Variants in RYR2 observed in about 807,000 individuals in gnomAD.
RYR2 encodes the protein cardiac muscle ryanodine receptor-calcium release channel.
RYR2 carries 227 observed loss-of-function variants against 601.1 expected under a neutral mutation model. The ratio of observed to expected loss-of-function variants is 0.38; its 90% CI spans 0.34 to 0.42. The LOEUF (loss-of-function observed/expected upper bound fraction) is 0.42. RYR2 is among the 10% of genes least tolerant of loss of function. The probability of loss-of-function intolerance (pLI) is 1.00; values close to 1 mark genes in which losing one functional copy is unlikely to be tolerated. For missense variants in RYR2, 4,646 were observed against 6,156.5 expected (o/e 0.75, Z 8.21); for synonymous variants, 2,223 against 2,175.1 (o/e 1.02, Z -0.61).
At chr1:237,394,282 CA>C (rs796152983) in intron 10 of RYR2, among the ~76,000 whole-genome samples, 7 of 152,318 alleles carry the variant, frequency 4.6e-5, no homozygotes, top group African/African-American at 1.7e-4. Context: ...ATGATTCTTT[CA>C]ATGGTGATTC....
intron 24 of RYR2, among the ~76,000 whole-genome samples, chr1:237,528,827 G>A (rs1379405589): frequency 6.6e-6 from 1 of 151,962 alleles, no homozygotes; most frequent in African/African-American, 2.4e-5. Flanking sequence ...GATAATAACT[G>A]TCTTATAATC....
intron 2 of RYR2, among the ~76,000 whole-genome samples, chr1:237,314,418 A>G (rs1694906915): frequency 6.6e-6 from 1 of 152,214 alleles, no homozygotes. Context: ...GGCAGCCTTG[A>G]AAATAAAACT....
chr1:237,083,363 A>G (rs1665962818), intron 1 of RYR2, among the ~76,000 whole-genome samples: 1 of 152,042 alleles, frequency 6.6e-6, no homozygotes, highest in Non-Finnish European at 1.5e-5. Flanking sequence ...ATGCCATGCC[A>G]CTCTCAGGCA....
chr1:237,605,034 T>A (rs1375113804), intron 35 of RYR2, among the ~76,000 whole-genome samples: 22 of 151,950 alleles, frequency 1.4e-4, no homozygotes, highest in Admixed American at 1.3e-3. Flanking sequence ...ACTATTCCAA[T>A]CAATAGAAAA....
intron 12 of RYR2, among the ~76,000 whole-genome samples, chr1:237,437,967 A>G (rs2997967): frequency 0.72 from 109,519 of 152,010 alleles, 39,802 homozygotes; most frequent in East Asian, 0.8. Context: ...AGTCTTTTGA[A>G]GGAGGTTTCC....
intron 10 of RYR2, among the ~76,000 whole-genome samples, chr1:237,407,918 ATTG>A (rs1704074187): frequency 6.6e-6 from 1 of 151,844 alleles, no homozygotes; most frequent in African/African-American, 2.4e-5. Context: ...GCCTGGCCAA[ATTG>A]TTGTTGAATT....
intron 48 of RYR2, among the ~76,000 whole-genome samples, chr1:237,645,007 C>T (rs955752773): frequency 1.3e-5 from 2 of 152,136 alleles, no homozygotes; most frequent in Admixed American, 6.5e-5. Flanking sequence ...TTCATTCCAG[C>T]CTGAGTGAAA....
intron 27 of RYR2, among the ~76,000 whole-genome samples, chr1:237,556,855 A>G (rs2805466): frequency 0.38 from 52,786 of 139,010 alleles, 10,638 homozygotes; most frequent in East Asian, 0.58. Flanking sequence ...ATTCCTGTAC[A>G]GCAAACTACC....
intron 63 of RYR2, 63 bp downstream of exon 63, chr1:237,687,567 A>G (rs563560477): frequency 5.2e-5 from 65 of 1,257,516 alleles, no homozygotes; most frequent in Admixed American, 9.3e-5. Flanking sequence ...CCATTTTTGC[A>G]CTGTGTTGTG....
At chr1:237,718,119 G>A (rs1689411305) in intron 72 of RYR2, among the ~76,000 whole-genome samples, 2 of 152,084 alleles carry the variant, frequency 1.3e-5, no homozygotes, top group Admixed American at 1.3e-4. Context: ...ATGTTATTAA[G>A]GGCTAAAATG....
At chr1:237,606,177 G>T (rs1265552798) in intron 35 of RYR2, among the ~76,000 whole-genome samples, 3 of 151,918 alleles carry the variant, frequency 2.0e-5, no homozygotes, top group African/African-American at 4.8e-5. Context: ...ATACTACAAG[G>T]CTACAGTAAC....
chr1:237,381,297 G>A (rs1242028517), intron 8 of RYR2, among the ~76,000 whole-genome samples: 3 of 140,662 alleles, frequency 2.1e-5, no homozygotes, highest in Admixed American at 7.2e-5. Context: ...AGAAACAGCA[G>A]ATATTTAACC....
chr1:237,615,243 C>A (rs189516041), intron 37 of RYR2, among the ~76,000 whole-genome samples: 1 of 152,308 alleles, frequency 6.6e-6, no homozygotes, highest in East Asian at 1.9e-4. Flanking sequence ...GGCTGGAGTG[C>A]AGTGGTGGTG....
chr1:237,665,167 G>A (rs1029626793), intron 56 of RYR2, among the ~76,000 whole-genome samples: 11 of 152,186 alleles, frequency 7.2e-5, no homozygotes, highest in East Asian at 5.8e-4. Context: ...TTGGGAGGCC[G>A]AGGCGGGTGG....
intron 1 of RYR2, among the ~76,000 whole-genome samples, chr1:237,259,526 A>G (rs6689924): frequency 0.43 from 43,381 of 100,734 alleles, 7,459 homozygotes; most frequent in African/African-American, 0.54. Context: ...GCTCTAGACC[A>G]TTTAAAAAAA....
At chr1:237,579,956 C>T (rs1002780172) in intron 29 of RYR2, among the ~76,000 whole-genome samples, 3 of 152,172 alleles carry the variant, frequency 2.0e-5, no homozygotes, top group Non-Finnish European at 4.4e-5. Context: ...AGTGAAGAAA[C>T]GCAGATGATA....
intron 28 of RYR2, 29 bp downstream of exon 28, chr1:237,566,804 T>C (rs753269395): frequency 6.2e-7 from 1 of 1,611,556 alleles, no homozygotes; most frequent in South Asian, 1.1e-5. Context: ...GTGCCAGTCA[T>C]CTGTACGTGC....
chr1:237,438,253 C>T (rs140215847), intron 12 of RYR2, among the ~76,000 whole-genome samples: 4 of 152,136 alleles, frequency 2.6e-5, no homozygotes, highest in South Asian at 2.1e-4. Context: ...GTAAAGTCCT[C>T]GTCTGCTAGT....
At chr1:237,052,948 A>C (rs1357074403) in intron 1 of RYR2, among the ~76,000 whole-genome samples, 1 of 152,076 alleles carries the variant, frequency 6.6e-6, no homozygotes. Flanking sequence ...TCCCAGCTTC[A>C]AGTGATTCTC....
Sources: gnomAD v4.1 joint callset for allele counts (sites outside exome capture counted in the v4.1 genomes callset) on GRCh38, gnomAD v4.1.1 for gene constraint, MANE v1.5 for transcripts, NCBI Gene and HGNC (gene_info 2026-07-23, HGNC 2026-07-21) for gene names.